TMEM135: variants seen among roughly 807,000 people sequenced by gnomAD.
TMEM135 encodes the protein transmembrane protein 135, also known as peroxisomal membrane protein 52.
In TMEM135, 30 loss-of-function variants were observed where a neutral mutation model predicts 60.3. The observed-to-expected ratio is 0.50, with a 90% confidence interval of 0.37 to 0.68. The LOEUF is 0.68. Ranked by LOEUF, TMEM135 falls within the 30% of genes least tolerant of loss-of-function variation. The pLI, the probability that TMEM135 is intolerant of heterozygous loss-of-function variation, is 0.00. For synonymous variants in TMEM135, 190 were observed against 186.7 expected (o/e 1.02, Z -0.14); for missense variants, 468 against 548.8 (o/e 0.85, Z 1.47).
intron 5 of TMEM135, among the ~76,000 whole-genome samples, chr11:87,204,895 TTC>T (rs759068593): frequency 6.6e-6 from 1 of 152,200 alleles, no homozygotes; most frequent in Non-Finnish European, 1.5e-5. Context: ...GACTATTCTT[TTC>T]TTTAATTATT....
At chr11:87,103,581 C>A (rs1275226644) in intron 4 of TMEM135, among the ~76,000 whole-genome samples, 1 of 150,518 alleles carries the variant, frequency 6.6e-6, no homozygotes, top group African/African-American at 2.4e-5. Context: ...GTGTTAAATC[C>A]CTTACATATT....
intron 6 of TMEM135, among the ~76,000 whole-genome samples, chr11:87,250,159 C>T (rs928370345): frequency 6.6e-6 from 1 of 152,084 alleles, no homozygotes; most frequent in Non-Finnish European, 1.5e-5. Flanking sequence ...ACATGAATCG[C>T]ACTGTCTCCT....
chr11:87,195,014 A>C (rs1412953302), intron 5 of TMEM135, among the ~76,000 whole-genome samples: 1 of 152,208 alleles, frequency 6.6e-6, no homozygotes, highest in African/African-American at 2.4e-5. Context: ...ACTTTTTAGA[A>C]ACAAAGCATG....
chr11:87,200,443 T>G (rs1257873253), intron 5 of TMEM135, among the ~76,000 whole-genome samples: 2 of 152,194 alleles, frequency 1.3e-5, no homozygotes, highest in African/African-American at 4.8e-5. Flanking sequence ...ACCTTATTTT[T>G]AGAGAAGTTT....
At chr11:87,125,941 T>C (rs1483204696) in intron 4 of TMEM135, among the ~76,000 whole-genome samples, 2 of 152,244 alleles carry the variant, frequency 1.3e-5, no homozygotes, top group African/African-American at 2.4e-5. Context: ...TTTTACTGTT[T>C]TAACAAAGCA....
intron 11 of TMEM135, among the ~76,000 whole-genome samples, chr11:87,314,178 T>A (rs952485395): frequency 5.9e-5 from 9 of 151,858 alleles, no homozygotes; most frequent in Non-Finnish European, 8.9e-5. Context: ...TTATTTTTTT[T>A]AAATTGTATT....
intron 2 of TMEM135, among the ~76,000 whole-genome samples, chr11:87,068,543 G>T (rs1856710201): frequency 6.6e-6 from 1 of 152,140 alleles, no homozygotes; most frequent in South Asian, 2.1e-4. Flanking sequence ...GGGCGCGGTG[G>T]CTCACGCCTG....
chr11:87,299,185 A>C (rs1024577825), intron 7 of TMEM135, among the ~76,000 whole-genome samples: 1 of 152,224 alleles, frequency 6.6e-6, no homozygotes, highest in African/African-American at 2.4e-5. Flanking sequence ...TCACACTGCT[A>C]TAAAGATACT....
intron 8 of TMEM135, among the ~76,000 whole-genome samples, chr11:87,304,146 G>A (rs1410953434): frequency 6.6e-6 from 1 of 152,176 alleles, no homozygotes; most frequent in East Asian, 1.9e-4. Flanking sequence ...TGAGGTAGGA[G>A]AATCACTTGA....
Position 87,081,009 on chromosome 11 carries a change from G to C in TMEM135, c.362+9394G>C, listed in dbSNP as rs188995674. 1.3e-4 allele frequency among the ~76,000 whole-genome samples: 20 copies of C among 152,158 alleles called. No homozygotes were observed. In the East Asian group the frequency reaches 3.9e-3, roughly 29 times the overall value. Reference sequence around the variant, plus strand: ...CCTATTTTTATTTGATATTGATATAGCTACTCCAACCTTTTCATATTTACA... The same window carrying C: ...CCTATTTTTATTTGATATTGATATACCTACTCCAACCTTTTCATATTTACA... On this transcript the variant is annotated intron_variant, in intron 3 of 14. Coordinates refer to ENST00000305494, the MANE Select transcript of TMEM135 (RefSeq NM_022918.4).
chr11:87,328,620 TTA>T lies in TMEM135; in HGVS notation c.*7288_*7289del, dbSNP rs897491810. The T allele has an allele frequency of 3.1e-5, 14 of 453,952 alleles. No individual in the cohort carries two copies. Among genetic ancestry groups the T allele is most frequent in the Non-Finnish European group, 4.4e-5 (10 of 226,796 alleles). 28.1% of individuals were successfully genotyped at this position (453,952 alleles called of 1,614,324 possible). A position where few individuals can be genotyped will look rare whatever the true frequency, so the allele number is the denominator to read the frequency against. Reference sequence around the variant, plus strand: ...TTTGATTTTCTATTCCGGAGTTACTTTACTTAGAATAATGGCCTCCAGCTCCA... The same window carrying T: ...TTTGATTTTCTATTCCGGAGTTACTTCTTAGAATAATGGCCTCCAGCTCCA... On this transcript the variant is annotated 3_prime_UTR_variant, in exon 15 of 15. Coordinates refer to ENST00000305494, the MANE Select transcript of TMEM135 (RefSeq NM_022918.4).
At position 87,314,488 on chromosome 11, in the gene TMEM135, TCA is replaced by T. The variant is rs763379035; in HGVS notation, c.1019_1020del (p.Ser340TyrfsTer5). On this transcript the variant is annotated frameshift_variant, in exon 12 of 15. Coordinates refer to ENST00000305494, the MANE Select transcript of TMEM135 (RefSeq NM_022918.4). LOFTEE classifies it high-confidence loss of function. ...AIIAGFLAGI[S>X]MMFYKSTTIS... ...TGTTTCAGGATTTTTGGCAGGTATA[TCA>T]ATGATGTTTTATAAAAGCACAACAA... 6.2e-7 allele frequency: 1 copy of T among 1,610,524 alleles called. No homozygotes were observed. The highest frequency in any genetic ancestry group is 1.1e-5 in the South Asian group (1 of 91,028).
At chr11:87,250,572 A>C (rs901830454) in intron 6 of TMEM135, among the ~76,000 whole-genome samples, 11 of 151,896 alleles carry the variant, frequency 7.2e-5, no homozygotes, top group Non-Finnish European at 1.3e-4. Flanking sequence ...GTCTATGTGT[A>C]GTTTCCAAAG....
chr11:87,241,191 G>A (rs904386080), intron 6 of TMEM135, among the ~76,000 whole-genome samples: 10 of 152,050 alleles, frequency 6.6e-5, no homozygotes, highest in Admixed American at 3.9e-4. Context: ...TTGAGTGAAA[G>A]ACTTGTGATT....
chr11:87,130,461 C>CT (rs1383007086), intron 4 of TMEM135, among the ~76,000 whole-genome samples: 5 of 152,114 alleles, frequency 3.3e-5, no homozygotes, highest in Admixed American at 3.3e-4. Context: ...AATCATATGA[C>CT]TAATTCCTGA....
intron 5 of TMEM135, among the ~76,000 whole-genome samples, chr11:87,192,836 C>T (rs1026427945): frequency 9.9e-5 from 15 of 152,094 alleles, no homozygotes; most frequent in Middle Eastern, 3.4e-3. Context: ...TTTGGTTTGC[C>T]GGGCATGGTG....
chr11:87,148,209 A>G (rs1036234854), intron 4 of TMEM135, among the ~76,000 whole-genome samples: 20 of 152,360 alleles, frequency 1.3e-4, no homozygotes, highest in African/African-American at 4.6e-4. Context: ...TAAATTTACA[A>G]ATGCTGAGAA....
At chr11:87,187,654 TA>T (rs1466135307) in intron 5 of TMEM135, among the ~76,000 whole-genome samples, 2 of 152,240 alleles carry the variant, frequency 1.3e-5, no homozygotes, top group Non-Finnish European at 2.9e-5. Context: ...TAGTTGCCAT[TA>T]AATTTACTTA....
chr11:87,221,895 C>A (rs2135354791), intron 5 of TMEM135, among the ~76,000 whole-genome samples: 1 of 152,164 alleles, frequency 6.6e-6, no homozygotes, highest in East Asian at 1.9e-4. Context: ...AAAATTTCAG[C>A]CAATATTAAA....
Sources: allele counts gnomAD v4.1 joint callset (sites outside exome capture counted in the v4.1 genomes callset), GRCh38; gene constraint gnomAD v4.1.1; transcripts MANE v1.5; gene names NCBI Gene and HGNC (gene_info 2026-07-23, HGNC 2026-07-21).